The following FAAH variants were observed in gnomAD, a reference collection of about 807,000 sequenced individuals.
FAAH encodes fatty-acid amide hydrolase 1.
Under a neutral mutation model 69.7 loss-of-function variants are expected in FAAH, and 63 were observed. That is an observed-to-expected ratio of 0.90 (90% CI 0.74 to 1.12). FAAH has a LOEUF of 1.12. FAAH is among the 50% of genes most tolerant of loss of function. The pLI is 0.00. For missense variants in FAAH, 680 were observed against 755.0 expected, an observed-to-expected ratio of 0.90 and a Z score of 1.16; for synonymous variants, 305 against 324.2, an observed-to-expected ratio of 0.94 and a Z score of 0.64.
intron 1 of FAAH, 35 bp from the exon 2 acceptor site, chr1:46,402,056 C>T (rs200624909): frequency 2.6e-6 from 4 of 1,545,150 alleles, no homozygotes; most frequent in Non-Finnish European, 2.6e-6. Flanking sequence ...GAGACTTCGG[C>T]GAGTAGGGGA....
chr1:46,412,109 A>G, intron 12 of FAAH, 34 bp from the exon 13 acceptor site: 1 of 1,535,582 alleles, frequency 6.5e-7, no homozygotes, highest in Non-Finnish European at 8.8e-7. Context: ...GCTAGGTCTG[A>G]GTGCTTTCAC....
At chr1:46,398,380 G>C (rs900012328) in intron 1 of FAAH, among the ~76,000 whole-genome samples, 2 of 152,172 alleles carry the variant, frequency 1.3e-5, no homozygotes, top group African/African-American at 4.8e-5. Flanking sequence ...ATCTGTGACT[G>C]TCTGGGCAAC....
At chr1:46,401,824 T>A (rs2148446790) in intron 1 of FAAH, among the ~76,000 whole-genome samples, 1 of 152,112 alleles carries the variant, frequency 6.6e-6, no homozygotes, top group East Asian at 1.9e-4. Context: ...AGTGGGAGGA[T>A]CACTTGAGCC....
chr1:46,394,638 G>C (rs1404755500), intron 1 of FAAH, 95 bp downstream of exon 1: 21 of 1,084,864 alleles, frequency 1.9e-5, no homozygotes, highest in Non-Finnish European at 2.2e-5. Context: ...GGGATGGGGC[G>C]GGCAGAGCAG....
Position 46,394,522 on chromosome 1 carries a change from G to T in FAAH, c.174G>T (p.Ala58=). The T allele has an allele frequency of 7.3e-7, 1 of 1,377,430 alleles. No individual in the cohort carries two copies. Among genetic ancestry groups the T allele is most frequent in the South Asian group, 1.7e-5 (1 of 59,038 alleles). 85.3% of individuals were successfully genotyped at this position (1,377,430 alleles called of 1,614,324 possible). ...QRAGLENMDR[A]AQRFRLQNPD... ...CGGGCCTGGAGAACATGGACAGGGC[G>T]GCGCAGCGCTTCCGGCTCCAGGTGA... Residue 58 remains alanine, a synonymous_variant, in exon 1 of 15, where the codon GCG becomes GCT. Transcript: ENST00000243167.
chr1:46,408,189 CTT>C (rs1664834659), intron 7 of FAAH, among the ~76,000 whole-genome samples: 1 of 152,174 alleles, frequency 6.6e-6, no homozygotes, highest in African/African-American at 2.4e-5. Flanking sequence ...CATTGGGTAG[CTT>C]TGGGCAAGTC....
At position 46,410,323 on chromosome 1, in the gene FAAH, T is replaced by G; in HGVS notation, c.1176-75T>G. 1 of 1,135,714 alleles carries G rather than the reference T, an allele frequency of 8.8e-7. No homozygotes were observed. The highest frequency in any genetic ancestry group is 2.3e-5 in the East Asian group (1 of 42,638). The allele number at this position is 1,135,714 out of a possible 1,614,324, so 70.4% of individuals were successfully genotyped here. ...CAGGATCCCTGCATAGAGAATGGGA[T>G]TGCTGTGGGCCGGGCGAGCAAGCTG... On this transcript the variant is annotated intron_variant, in intron 9 of 14. Coordinates refer to ENST00000243167, the MANE Select transcript of FAAH (RefSeq NM_001441.3). The surrounding 1 kb of genome is among the most constrained non-coding windows in gnomAD (Gnocchi z 4.9).
rs995851503 is a variant in FAAH, at chr1:46,411,521, T to G, written c.1317-91T>G. On this transcript the variant is annotated intron_variant, in intron 11 of 14. Transcript: ENST00000243167. This position sits in a 1 kb window ranked among gnomAD's most constrained non-coding sequence, Gnocchi z 4.8. The stretch of plus-strand genomic sequence containing the variant: ...GGGTTGTGAAGGGTCCACGGAGGGG[T>G]GAGATCTAGAGGGTTGGCAGTAGGG... 51 of 1,357,550 alleles carry G rather than the reference T, an allele frequency of 3.8e-5. No individual in the cohort carries two copies. Among genetic ancestry groups the G allele is most frequent in the Non-Finnish European group, 4.5e-5 (43 of 959,496 alleles). 84.1% of individuals were successfully genotyped at this position (1,357,550 alleles called of 1,614,324 possible).
chr1:46,403,676 G>A (rs1569813169), intron 2 of FAAH, among the ~76,000 whole-genome samples: 2 of 152,236 alleles, frequency 1.3e-5, no homozygotes, highest in Admixed American at 6.5e-5. Context: ...TCCGTGCCAC[G>A]GGCTCCCCTG....
chr1:46,409,250 CCTGGGG>C (rs769271393), intron 9 of FAAH, 52 bp downstream of exon 9: 14 of 1,403,090 alleles, frequency 1.0e-5, no homozygotes, highest in Non-Finnish European at 1.4e-5. Flanking sequence ...AGTAGGCAGA[CCTGGGG>C]GAGCAGCAGG....
In FAAH at chr1:46,413,423, T is replaced by C. The variant is rs80277336; in HGVS notation, c.1612-24T>C. 2,782 of 1,613,972 alleles carry C rather than the reference T, an allele frequency of 1.7e-3. 31 individuals are homozygous for C. The East Asian group carries it at 0.021, about 12-fold the overall frequency. On this transcript the variant is annotated intron_variant, in intron 14 of 14. Transcript: ENST00000243167. ...GGGGAGTCCTGCCTTGCTAACCCTA[T>C]CCTGATGCCTGTATCCCCTATAGGG...
chr1:46,399,809 A>T (rs1664664941), intron 1 of FAAH, among the ~76,000 whole-genome samples: 1 of 152,228 alleles, frequency 6.6e-6, no homozygotes, highest in African/African-American at 2.4e-5. Context: ...TGCAAAAAAG[A>T]ATATATATAG....
chr1:46,397,074 G>T (rs770387700), intron 1 of FAAH, among the ~76,000 whole-genome samples: 1 of 152,236 alleles, frequency 6.6e-6, no homozygotes, highest in Non-Finnish European at 1.5e-5. Context: ...ACAAGCACAG[G>T]TTCTTCACTG....
chr1:46,406,429 T>TTGGAGCCCC (rs1557759700), intron 7 of FAAH, 61 bp downstream of exon 7: 2 of 1,609,320 alleles, frequency 1.2e-6, no homozygotes, highest in Non-Finnish European at 1.7e-6. Flanking sequence ...ACCCCAGGCC[T>TTGGAGCCCC]TGTGGGCAGG....
chr1:46,407,145 A>G (rs1220359873), intron 7 of FAAH, among the ~76,000 whole-genome samples: 1 of 151,960 alleles, frequency 6.6e-6, no homozygotes, highest in African/African-American at 2.4e-5. Flanking sequence ...TCCCCAAAAT[A>G]CCACCACAGC....
At position 46,413,138 on chromosome 1, in the gene FAAH, C is replaced by CCA; in HGVS notation, c.1531_1532dup (p.Val512ArgfsTer2). 2 of 1,614,168 alleles carry CCA rather than the reference C, an allele frequency of 1.2e-6. No individual in the cohort carries two copies. Among genetic ancestry groups the CCA allele is most frequent in the East Asian group, 4.5e-5 (2 of 44,890 alleles). The stretch of plus-strand genomic sequence containing the variant: ...TTCCCTGCAGGGGTGGTGCCTGTCA[C>CCA]CACGGTGACTGCTGAGGACGAGGCC... On this transcript the variant is annotated frameshift_variant, in exon 14 of 15. Coordinates refer to ENST00000243167, the MANE Select transcript of FAAH (RefSeq NM_001441.3). LOFTEE classifies it high-confidence loss of function.
rs145156280 is a variant in FAAH, at chr1:46,401,802, T to G, written c.196-289T>G. On this transcript the variant is annotated intron_variant, in intron 1 of 14. Transcript: ENST00000243167. Reference sequence around the variant, plus strand: ...AGCATGTGCCTGTAGTTCCAGCTACTCGGGAGGCTGAAGTGGGAGGATCAC... The same window carrying G: ...AGCATGTGCCTGTAGTTCCAGCTACGCGGGAGGCTGAAGTGGGAGGATCAC... Among the ~76,000 whole-genome samples, 1,012 of 152,270 alleles carry G rather than the reference T, an allele frequency of 6.6e-3. 6 individuals are homozygous for G. Among genetic ancestry groups the G allele is most frequent in the Middle Eastern group, 0.024 (7 of 294 alleles).
intron 2 of FAAH, 39 bp downstream of exon 2, chr1:46,402,243 A>G: frequency 5.0e-6 from 7 of 1,414,062 alleles, no homozygotes; most frequent in South Asian, 1.2e-5. Context: ...TGGGAAAGGT[A>G]AGGCCAGCCA....
chr1:46,394,796 G>A (rs888345780), intron 1 of FAAH, among the ~76,000 whole-genome samples: 2 of 152,246 alleles, frequency 1.3e-5, no homozygotes, highest in African/African-American at 2.4e-5. Flanking sequence ...GTTTTGCTTT[G>A]TGCCAAAGAA....
Sources: allele counts gnomAD v4.1 joint callset (sites outside exome capture counted in the v4.1 genomes callset), GRCh38; gene constraint gnomAD v4.1.1; non-coding constraint Gnocchi (gnomAD v3.1); transcripts MANE v1.5; gene names NCBI Gene and HGNC (gene_info 2026-07-23, HGNC 2026-07-21).